The following MGAT4C variants were observed in gnomAD, a reference collection of about 807,000 sequenced individuals.
MGAT4C encodes the protein alpha-1,3-mannosyl-glycoprotein 4-beta-N-acetylglucosaminyltransferase C.
A neutral mutation model predicts 40.1 loss-of-function variants in MGAT4C; 19 were observed. The ratio of observed to expected loss-of-function variants is 0.47; its 90% CI spans 0.33 to 0.70. MGAT4C has a LOEUF of 0.70. Ranked by LOEUF, MGAT4C falls within the 30% of genes least tolerant of loss-of-function variation. The pLI is 0.02. For synonymous variants in MGAT4C, 181 were observed against 187.1 expected (o/e 0.97, Z 0.27); for missense variants, 491 against 563.2 (o/e 0.87, Z 1.30).
chr12:86,669,484 A>T (rs1458779446), intron 2 of MGAT4C, among the ~76,000 whole-genome samples: 2 of 152,086 alleles, frequency 1.3e-5, no homozygotes, highest in Non-Finnish European at 2.9e-5. Flanking sequence ...CATTTGGAGG[A>T]CCCATTCTCC....
intron 2 of MGAT4C, among the ~76,000 whole-genome samples, chr12:86,579,405 C>T (rs1960690512): frequency 6.6e-6 from 1 of 151,458 alleles, no homozygotes; most frequent in African/African-American, 2.4e-5. Context: ...ATACTATTTG[C>T]ATAAACAAGC....
chr12:86,260,991 T>C (rs1269767273), upstream of MGAT4C, among the ~76,000 whole-genome samples: 1 of 151,972 alleles, frequency 6.6e-6, no homozygotes, highest in Non-Finnish European at 1.5e-5. Context: ...GCTACTCAAA[T>C]GAAGGTTTTG....
intron 2 of MGAT4C, among the ~76,000 whole-genome samples, chr12:86,584,979 T>C (rs976189233): frequency 1.3e-5 from 2 of 151,406 alleles, no homozygotes; most frequent in African/African-American, 4.8e-5. Flanking sequence ...TTGAGCCATG[T>C]GTATTTGTCA....
chr12:86,708,022 G>A (rs909946942), intron 2 of MGAT4C, among the ~76,000 whole-genome samples: 1 of 152,196 alleles, frequency 6.6e-6, no homozygotes. Flanking sequence ...AAGTAACAAG[G>A]AGCTGAATGC....
intron 2 of MGAT4C, among the ~76,000 whole-genome samples, chr12:86,516,174 A>G (rs961400438): frequency 2.0e-5 from 3 of 152,210 alleles, no homozygotes; most frequent in Admixed American, 2.0e-4. Flanking sequence ...AATAAAAGAT[A>G]GAAAAATTCA....
At position 86,554,038 on chromosome 12, in the gene MGAT4C, CT is replaced by C. The variant is rs201296343; in HGVS notation, c.-228-118774del. Among the ~76,000 whole-genome samples, 42 of 151,774 alleles carry C rather than the reference CT, an allele frequency of 2.8e-4. No homozygotes were observed. In the East Asian group the frequency reaches 4.1e-3, roughly 15 times the overall value. Reference sequence around the variant, plus strand: ...TCAGAGACCTTATGTTTGTTTCTTCCTTTTTTTTCATAGTTTTCAACCTCTC... The same window carrying C: ...TCAGAGACCTTATGTTTGTTTCTTCCTTTTTTTCATAGTTTTCAACCTCTC... On this transcript the variant is annotated intron_variant, in intron 2 of 7. Transcript: ENST00000548651.
intron 2 of MGAT4C, among the ~76,000 whole-genome samples, chr12:86,501,386 T>A (rs904810970): frequency 6.6e-6 from 1 of 152,094 alleles, no homozygotes; most frequent in Admixed American, 6.6e-5. Flanking sequence ...TGCAGGTTTG[T>A]TACACAGTTA....
chr12:86,717,615 T>C (rs1001875534), intron 2 of MGAT4C, among the ~76,000 whole-genome samples: 1 of 152,064 alleles, frequency 6.6e-6, no homozygotes, highest in Non-Finnish European at 1.5e-5. Context: ...TAAAAACTCA[T>C]CTCTTGGAAA....
At chr12:86,276,463 TG>T in intron 4 of MGAT4C, among the ~76,000 whole-genome samples, 1 of 152,170 alleles carries the variant, frequency 6.6e-6, no homozygotes, top group Non-Finnish European at 1.5e-5. Flanking sequence ...TACAATTAGA[TG>T]GTTATTGACT....
chr12:86,473,254 G>A (rs921480049), intron 2 of MGAT4C, among the ~76,000 whole-genome samples: 2 of 152,104 alleles, frequency 1.3e-5, no homozygotes, highest in African/African-American at 4.8e-5. Flanking sequence ...ACTGCACCGG[G>A]CCTGATTTCT....
intron 1 of MGAT4C, among the ~76,000 whole-genome samples, chr12:86,109,112 A>G (rs1016081885): frequency 2.0e-5 from 3 of 152,164 alleles, no homozygotes; most frequent in African/African-American, 7.2e-5. Flanking sequence ...TTGATCATCT[A>G]AAGATCAGCA....
intron 2 of MGAT4C, among the ~76,000 whole-genome samples, chr12:86,549,309 T>C (rs757533090): frequency 4.6e-5 from 7 of 152,108 alleles, no homozygotes; most frequent in Non-Finnish European, 8.8e-5. Context: ...TTTTTGAACA[T>C]GAAGTTCATC....
At chr12:86,825,003 T>C (rs1168925808) in intron 1 of MGAT4C, among the ~76,000 whole-genome samples, 1 of 151,300 alleles carries the variant, frequency 6.6e-6, no homozygotes, top group Non-Finnish European at 1.5e-5. Context: ...CTGTTTCTGA[T>C]CTAAGTAGAA....
chr12:86,776,043 A>G (rs1164841626), intron 1 of MGAT4C, among the ~76,000 whole-genome samples: 1 of 152,016 alleles, frequency 6.6e-6, no homozygotes, highest in African/African-American at 2.4e-5. Context: ...GTTTCTGTTT[A>G]TTTTATAAAT....
chr12:86,135,487 G>T (rs1308801855), intron 1 of MGAT4C, among the ~76,000 whole-genome samples: 1 of 152,070 alleles, frequency 6.6e-6, no homozygotes, highest in African/African-American at 2.4e-5. Context: ...GGCAAAGGCT[G>T]GATGGTGTAA....
At chr12:86,100,560 A>T (rs1179266441) in intron 1 of MGAT4C, among the ~76,000 whole-genome samples, 1 of 151,534 alleles carries the variant, frequency 6.6e-6, no homozygotes, top group Non-Finnish European at 1.5e-5. Flanking sequence ...TTAAAAAAAT[A>T]TAATGTTATG....
upstream of MGAT4C, among the ~76,000 whole-genome samples, chr12:86,260,060 A>G (rs1279280890): frequency 6.6e-6 from 1 of 152,114 alleles, no homozygotes. Context: ...ATTAACAGAT[A>G]AATAGGCTTT....
intron 1 of MGAT4C, among the ~76,000 whole-genome samples, chr12:86,729,719 T>C (rs1187161444): frequency 6.6e-6 from 1 of 152,086 alleles, no homozygotes; most frequent in African/African-American, 2.4e-5. Context: ...GGACACTTAT[T>C]CTCATAACAA....
At chr12:86,333,766 C>T (rs896134785) in intron 4 of MGAT4C, among the ~76,000 whole-genome samples, 2 of 152,152 alleles carry the variant, frequency 1.3e-5, no homozygotes, top group South Asian at 2.1e-4. Context: ...CTTATTTACA[C>T]ACTTTATCAA....
Sources: allele counts gnomAD v4.1 joint callset (sites outside exome capture counted in the v4.1 genomes callset), GRCh38; gene constraint gnomAD v4.1.1; transcripts MANE v1.5; gene names NCBI Gene and HGNC (gene_info 2026-07-23, HGNC 2026-07-21).